GPRIN2: variants seen among roughly 807,000 people sequenced by gnomAD.
GPRIN2 encodes the protein G protein-regulated inducer of neurite outgrowth 2.
In GPRIN2, 1 loss-of-function variant was observed where a neutral mutation model predicts 0.3. That is an observed-to-expected ratio of 3.90 (90% CI 1.39 to 18.51). The LOEUF is 18.51. GPRIN2 is among the 30% of genes most tolerant of loss of function. The pLI is 0.11. For synonymous variants in GPRIN2, 361 were observed against 258.6 expected (o/e 1.40, Z -3.80); for missense variants, 880 against 604.2 (o/e 1.46, Z -4.79).
Position 46,554,687 on chromosome 10 carries a change from TGTCAGCAACTG to T in GPRIN2, c.-117-3_-110del, listed in dbSNP as rs1842975112. Reference sequence around the variant, plus strand: ...CTGTCCTGCTGCCTCAGGTTCCACCTGTCAGCAACTGGAAGATCAACCACCTATGTAGCAAT... The same window carrying T: ...CTGTCCTGCTGCCTCAGGTTCCACCTGAAGATCAACCACCTATGTAGCAAT... On this transcript the variant is annotated splice_acceptor_variant and splice_polypyrimidine_tract_variant and 5_prime_UTR_variant and intron_variant, in exon 2 of 3. Coordinates refer to ENST00000374314, the MANE Select transcript of GPRIN2 (RefSeq NM_001385282.1). LOFTEE classifies it low-confidence loss of function (5UTR_SPLICE). 1.3e-5 allele frequency: 2 copies of T among 153,854 alleles called. No homozygotes were observed. Among genetic ancestry groups the T allele is most frequent in the Admixed American group, 1.3e-4 (2 of 15,300 alleles). 9.5% of individuals were successfully genotyped at this position (153,854 alleles called of 1,614,324 possible). A position where few individuals can be genotyped will look rare whatever the true frequency, so the allele number is the denominator to read the frequency against.
chr10:46,551,306 A>T (rs1842578103), intron 2 of GPRIN2: 1 of 774,346 alleles, frequency 1.3e-6, no homozygotes, highest in Non-Finnish European at 1.6e-6. Context: ...AGGACGAGGG[A>T]GCAATGACCA....
At position 46,551,812 on chromosome 10, in the gene GPRIN2, G is replaced by C. The variant is rs888491726; in HGVS notation, c.-6-1070C>G. On this transcript the variant is annotated intron_variant, in intron 2 of 2. Coordinates refer to ENST00000374314, the MANE Select transcript of GPRIN2 (RefSeq NM_001385282.1). ...CATCTCTTCCTGGGGCCCCTTTCCC[G>C]ACCCTCCAGCCAGGCAGCCTTCATC... Among the ~76,000 whole-genome samples the C allele has an allele frequency of 4.6e-5, 7 of 152,426 alleles. No homozygotes were observed. In the South Asian group the frequency reaches 8.3e-4, roughly 18 times the overall value.
In GPRIN2 at chr10:46,542,094, T is replaced by C. The variant is rs1841809374; in HGVS notation, c.*7266A>G. Among the ~76,000 whole-genome samples the C allele has an allele frequency of 6.6e-6, 1 of 152,310 alleles. No homozygotes were observed. The highest frequency in any genetic ancestry group is 1.5e-5 in the Non-Finnish European group (1 of 68,058). On this transcript the variant is annotated 3_prime_UTR_variant, in exon 3 of 3. Transcript: ENST00000374314. ...AAAGCCACAAAGCTTGTGTACAAAA[T>C]GACACCCTTGGCCACCATCTCCCAG...
rs1842371801 is a variant in GPRIN2 at position 46,548,507 on chromosome 10, C to T, written c.*853G>A. 6.6e-6 allele frequency among the ~76,000 whole-genome samples: 1 copy of T among 152,308 alleles called. No individual in the cohort carries two copies. The highest frequency in any genetic ancestry group is 2.4e-5 in the African/African-American group (1 of 41,486). On this transcript the variant is annotated 3_prime_UTR_variant, in exon 3 of 3. Coordinates refer to ENST00000374314, the MANE Select transcript of GPRIN2 (RefSeq NM_001385282.1). ...ATTAGGGCAGGTGGCCACCCATTCT[C>T]CCCTTCCTCAGGCCAGCCTCTGACA...
In GPRIN2 at chr10:46,544,901, A is replaced by G. The variant is rs1832967016; in HGVS notation, c.*4459T>C. ...AGGGACCTGGGAATCTCACAGACCT[A>G]TGGGATGTCCCAGTGATATGTCCTG... On this transcript the variant is annotated 3_prime_UTR_variant, in exon 3 of 3. Transcript: ENST00000374314. Among the ~76,000 whole-genome samples the G allele has an allele frequency of 6.6e-6, 1 of 152,306 alleles. No individual in the cohort carries two copies.
In GPRIN2 at chr10:46,547,290, T is replaced by C. The variant is rs1832856014; in HGVS notation, c.*2070A>G. The stretch of plus-strand genomic sequence containing the variant: ...TGCCCCTAAACAGGCCCCTCCTTGG[T>C]GTCACCTGGCACATCTCCACTGGAA... On this transcript the variant is annotated 3_prime_UTR_variant, in exon 3 of 3. Coordinates refer to ENST00000374314, the MANE Select transcript of GPRIN2 (RefSeq NM_001385282.1). Among the ~76,000 whole-genome samples, 2 of 152,302 alleles carry C rather than the reference T, an allele frequency of 1.3e-5. No homozygotes were observed. The highest frequency in any genetic ancestry group is 6.5e-5 in the Admixed American group (1 of 15,294).
In GPRIN2 at chr10:46,550,375, T is replaced by C. The variant is rs1832391698; in HGVS notation, c.362A>G (p.His121Arg). 16 of 1,612,436 alleles carry C rather than the reference T, an allele frequency of 9.9e-6. No individual in the cohort carries two copies. Among genetic ancestry groups the C allele is most frequent in the Admixed American group, 8.3e-5 (5 of 59,970 alleles). Residue 121 changes from histidine to arginine, a missense_variant, in exon 3 of 3, where the codon CAT becomes CGT. His to Arg is a conservative substitution (Grantham distance 29). Transcript: ENST00000374314. ...APSAAAMQRSHSDLVRSTQMR... is the reference protein window; with the variant it reads ...APSAAAMQRSRSDLVRSTQMR... ...CTGGGTGCTACGGACCAGGTCTGAATGGCTCCTCTGCATAGCAGCAGCACT... is the reference window on the plus strand; with the variant it reads ...CTGGGTGCTACGGACCAGGTCTGAACGGCTCCTCTGCATAGCAGCAGCACT...
At chr10:46,554,551 G>C (rs576374113) in intron 2 of GPRIN2, 34 bp downstream of exon 2, 1 of 152,752 alleles carries the variant, frequency 6.5e-6, no homozygotes, top group East Asian at 1.9e-4. Flanking sequence ...GCATACAGAA[G>C]TATCCAAGAC....
Position 46,549,041 on chromosome 10 carries a change from G to C in GPRIN2, c.*319C>G, listed in dbSNP as rs1842413332. The stretch of plus-strand genomic sequence containing the variant: ...ACGAGGCAACATGGCAGAGTTCTGA[G>C]GGTGGAGTGAACAAAAGGTCATTTT... On this transcript the variant is annotated 3_prime_UTR_variant, in exon 3 of 3. Coordinates refer to ENST00000374314, the MANE Select transcript of GPRIN2 (RefSeq NM_001385282.1). 1 of 392,798 alleles carries C rather than the reference G, an allele frequency of 2.5e-6. No homozygotes were observed. The highest frequency in any genetic ancestry group is 4.5e-5 in the Admixed American group (1 of 22,030). The allele number at this position is 392,798 out of a possible 1,614,324, so 24.3% of individuals were successfully genotyped here. A position where few individuals can be genotyped will look rare whatever the true frequency, so the allele number is the denominator to read the frequency against.
Position 46,550,521 on chromosome 10 carries a change from C to T in GPRIN2, c.216G>A (p.Met72Ile), listed in dbSNP as rs1832341148. Residue 72 changes from methionine (M) to isoleucine (I), a missense_variant, in exon 3 of 3, where the codon ATG (methionine) becomes ATA (isoleucine). Physicochemically the swap from Met to Ile is conservative, Grantham distance 10. Coordinates refer to ENST00000374314, the MANE Select transcript of GPRIN2 (RefSeq NM_001385282.1). ...TGGGGCCAGAGGCCCGTGCTGGCTTCATGCTCTCAGGCGGGTTCCCCTCTT... is the reference window on the plus strand; with the variant it reads ...TGGGGCCAGAGGCCCGTGCTGGCTTTATGCTCTCAGGCGGGTTCCCCTCTT... ...PEEEGNPPESMKPARASGPKA... is the reference protein window; with the variant it reads ...PEEEGNPPESIKPARASGPKA... 351 of 1,600,940 alleles carry T rather than the reference C, an allele frequency of 2.2e-4. No homozygotes were observed. Among genetic ancestry groups the T allele is most frequent in the Admixed American group, 1.3e-3 (76 of 59,054 alleles).
intron 1 of GPRIN2, among the ~76,000 whole-genome samples, chr10:46,555,798 G>A (rs1843137776): frequency 6.6e-6 from 1 of 152,306 alleles, no homozygotes; most frequent in Admixed American, 6.5e-5. Flanking sequence ...CTAGGCGGCC[G>A]GTGTGTCCCT....
rs1833064062 is a variant in GPRIN2, at chr10:46,542,449, A to G, written c.*6911T>C. Reference sequence around the variant, plus strand: ...TCTTGTGATAGTAAGTTCTCACGAGATCTGATGGTTTTATAAGTGTTTGGT... The same window carrying G: ...TCTTGTGATAGTAAGTTCTCACGAGGTCTGATGGTTTTATAAGTGTTTGGT... On this transcript the variant is annotated 3_prime_UTR_variant, in exon 3 of 3. Coordinates refer to ENST00000374314, the MANE Select transcript of GPRIN2 (RefSeq NM_001385282.1). Among the ~76,000 whole-genome samples, 1 of 152,422 alleles carries G rather than the reference A, an allele frequency of 6.6e-6. No individual in the cohort carries two copies. Among genetic ancestry groups the G allele is most frequent in the African/African-American group, 2.4e-5 (1 of 41,606 alleles).
In GPRIN2 at chr10:46,553,497, C is replaced by T. The variant is rs1842839751; in HGVS notation, c.-7+1088G>A. On this transcript the variant is annotated intron_variant, in intron 2 of 2. Coordinates refer to ENST00000374314, the MANE Select transcript of GPRIN2 (RefSeq NM_001385282.1). ...CCTCTGGCCAAACCCCACCACCCTC[C>T]CAGGGAGGGGGGCCATAAACAGCCA... Among the ~76,000 whole-genome samples the T allele has an allele frequency of 3.3e-5, 5 of 152,412 alleles. No homozygotes were observed. In the South Asian group the frequency reaches 1.0e-3, roughly 32 times the overall value.
chr10:46,549,933 A>C lies in GPRIN2; in HGVS notation c.804T>G (p.Ser268=). 3.7e-6 allele frequency: 6 copies of C among 1,614,282 alleles called. No homozygotes were observed. The highest frequency in any genetic ancestry group is 5.1e-6 in the Non-Finnish European group (6 of 1,180,054). The change falls in exon 3 of 3, where the codon TCT becomes TCG. Residue 268 remains serine (S), a synonymous_variant. Transcript: ENST00000374314. ...TCACCCCATGCTGAGCCTGCAGCCC[A>C]GACTCGCTCACTGACGCCACTAGTT... The part of the protein sequence containing the change: ...FPKLVASVSE[S]GLQAQHGVKI...
rs1832880062 is a variant in GPRIN2, at chr10:46,546,860, T to C, written c.*2500A>G. Among the ~76,000 whole-genome samples, 150,898 of 152,416 alleles carry C rather than the reference T, an allele frequency of 0.99. 74,690 individuals are homozygous for C. Among genetic ancestry groups the C allele is most frequent in the East Asian group, 1 (5,196 of 5,196 alleles). On this transcript the variant is annotated 3_prime_UTR_variant, in exon 3 of 3. Coordinates refer to ENST00000374314, the MANE Select transcript of GPRIN2 (RefSeq NM_001385282.1). Reference sequence around the variant, plus strand: ...CCAGCCAAGACACAGGTGTTGGATTTCAGCACCGCTCTGCAAATACTCATC... The same window carrying C: ...CCAGCCAAGACACAGGTGTTGGATTCCAGCACCGCTCTGCAAATACTCATC...
chr10:46,549,343 C>G lies in GPRIN2; in HGVS notation c.*17G>C. The G allele has an allele frequency of 6.8e-7, 1 of 1,463,450 alleles. No individual in the cohort carries two copies. Among genetic ancestry groups the G allele is most frequent in the Non-Finnish European group, 9.0e-7 (1 of 1,109,400 alleles). 90.7% of individuals were successfully genotyped at this position (1,463,450 alleles called of 1,614,324 possible). ...CTAAGTCAGTGGGCCCAGGCCAGCT[C>G]CAAGGGCCACAGCTCCTCACTCGGG... On this transcript the variant is annotated 3_prime_UTR_variant, in exon 3 of 3. Coordinates refer to ENST00000374314, the MANE Select transcript of GPRIN2 (RefSeq NM_001385282.1).
intron 2 of GPRIN2, 83 bp from the exon 3 acceptor site, chr10:46,550,825 T>C: frequency 7.2e-7 from 1 of 1,390,696 alleles, no homozygotes; most frequent in Non-Finnish European, 9.5e-7. Flanking sequence ...CCCACAGTGC[T>C]AGGTTCACCA....
rs1842198961 is a variant in GPRIN2, at chr10:46,546,790, A to G, written c.*2570T>C. Among the ~76,000 whole-genome samples the G allele has an allele frequency of 6.6e-6, 1 of 152,308 alleles. No homozygotes were observed. The highest frequency in any genetic ancestry group is 2.4e-5 in the African/African-American group (1 of 41,488). Reference sequence around the variant, plus strand: ...TCAGCAGCAGCTGTGCAACTGGGCTAGGGAGACAAGGATCGTGGTTTAGCC... The same window carrying G: ...TCAGCAGCAGCTGTGCAACTGGGCTGGGGAGACAAGGATCGTGGTTTAGCC... On this transcript the variant is annotated 3_prime_UTR_variant, in exon 3 of 3. Coordinates refer to ENST00000374314, the MANE Select transcript of GPRIN2 (RefSeq NM_001385282.1).
upstream of GPRIN2, among the ~76,000 whole-genome samples, chr10:46,557,239 G>T (rs1843349403): frequency 6.6e-6 from 1 of 152,302 alleles, no homozygotes; most frequent in Non-Finnish European, 1.5e-5. Flanking sequence ...TCCAGCCCCA[G>T]GTCCCAAATC....
Sources: allele counts gnomAD v4.1 joint callset (sites outside exome capture counted in the v4.1 genomes callset), GRCh38; gene constraint gnomAD v4.1.1; transcripts MANE v1.5; gene names NCBI Gene and HGNC (gene_info 2026-07-23, HGNC 2026-07-21).